ARHGEF6: variants seen among roughly 807,000 people sequenced by gnomAD.
ARHGEF6 encodes Rac/Cdc42 guanine nucleotide exchange factor 6, also known as rho guanine nucleotide exchange factor 6.
ARHGEF6 carries 9 observed loss-of-function variants against 70.3 expected under a neutral mutation model. That is an observed-to-expected ratio of 0.13 (90% CI 0.08 to 0.22). ARHGEF6 has a LOEUF of 0.22. Ranked by LOEUF, ARHGEF6 falls within the 10% of genes least tolerant of loss-of-function variation. ARHGEF6 has a pLI of 1.00. For synonymous variants in ARHGEF6, 201 were observed against 207.8 expected (o/e 0.97, Z 0.28); for missense variants, 470 against 563.0 (o/e 0.83, Z 1.67).
At chrX:136,767,656 G>C (rs970746963) in intron 2 of ARHGEF6, 845 of 752,715 alleles carry the variant, frequency 1.1e-3, no homozygotes, top group Non-Finnish European at 1.2e-3. Flanking sequence ...GACTGCCGGG[G>C]GAGCCAGCCC....
At chrX:136,703,767 C>T (rs1420764863) in intron 9 of ARHGEF6, among the ~76,000 whole-genome samples, 3 of 112,740 alleles carry the variant, frequency 2.7e-5, no homozygotes, top group Non-Finnish European at 5.6e-5. Flanking sequence ...GGTGATCCGC[C>T]CGCCTTGGCC....
At position 136,745,069 on chromosome X, in the gene ARHGEF6, G is replaced by T. The variant is rs146851377; in HGVS notation, c.459+154C>A. Among the ~76,000 whole-genome samples the T allele has an allele frequency of 2.6e-3, 290 of 112,080 alleles. 2 individuals are homozygous for T. The highest frequency in any genetic ancestry group is 8.6e-3 in the African/African-American group (267 of 30,878). ...ACATGCCTTTGATTTGCTCCTTCGG[G>T]CCAGCCTGAATTGGTGCTCGGTTTA... On this transcript the variant is annotated intron_variant, in intron 4 of 21. Transcript: ENST00000250617.
At chrX:136,743,070 C>A (rs1224635079) in intron 5 of ARHGEF6, among the ~76,000 whole-genome samples, 1 of 112,175 alleles carries the variant, frequency 8.9e-6, no homozygotes, top group South Asian at 3.7e-4. Context: ...AGGTAAACAG[C>A]TAGCAGTATT....
At chrX:136,775,536 G>A (rs1412012424) in intron 2 of ARHGEF6, among the ~76,000 whole-genome samples, 1 of 111,724 alleles carries the variant, frequency 9.0e-6, no homozygotes, top group Non-Finnish European at 1.9e-5. Flanking sequence ...CAGCATGGAA[G>A]GGACATACCT....
chrX:136,747,385 G>T, intron 3 of ARHGEF6, 123 bp downstream of exon 3: 1 of 592,878 alleles, frequency 1.7e-6, no homozygotes, highest in Non-Finnish European at 2.9e-6. Flanking sequence ...GGTGTATTTG[G>T]GGGAGCAAGG....
intron 9 of ARHGEF6, among the ~76,000 whole-genome samples, chrX:136,697,442 C>T (rs1603339044): frequency 8.9e-6 from 1 of 112,092 alleles, no homozygotes; most frequent in African/African-American, 3.2e-5. Flanking sequence ...TCCACTTGAA[C>T]TTAATTAGAT....
chrX:136,774,764 A>C (rs1444733192), intron 2 of ARHGEF6, among the ~76,000 whole-genome samples: 3 of 109,966 alleles, frequency 2.7e-5, no homozygotes, highest in Admixed American at 9.8e-5. Context: ...AAAATTCCAT[A>C]GTAGACATTA....
intron 12 of ARHGEF6, among the ~76,000 whole-genome samples, chrX:136,683,697 T>C (rs1387497598): frequency 8.9e-6 from 1 of 112,019 alleles, no homozygotes; most frequent in East Asian, 2.8e-4. Flanking sequence ...GCAATTAGTA[T>C]ACGCAAAAAT....
intron 2 of ARHGEF6, among the ~76,000 whole-genome samples, chrX:136,777,910 T>G (rs775014037): frequency 9.1e-6 from 1 of 110,215 alleles, no homozygotes; most frequent in African/African-American, 3.3e-5. Flanking sequence ...CATCATATGT[T>G]CTCACTTATA....
chrX:136,716,090 G>A (rs1035637057), intron 6 of ARHGEF6, among the ~76,000 whole-genome samples: 4 of 112,175 alleles, frequency 3.6e-5, no homozygotes, highest in Admixed American at 9.4e-5. Flanking sequence ...ACAGGCATGC[G>A]CCATCACGCC....
chrX:136,726,257 C>T (rs1045629036), intron 6 of ARHGEF6, among the ~76,000 whole-genome samples: 7 of 111,450 alleles, frequency 6.3e-5, no homozygotes, highest in African/African-American at 2.0e-4. Flanking sequence ...TGATTCTGCA[C>T]GCCCAGGTCC....
At chrX:136,713,241 T>C in intron 7 of ARHGEF6, 35 bp downstream of exon 7, 3 of 1,013,452 alleles carry the variant, frequency 3.0e-6, no homozygotes, top group Non-Finnish European at 4.2e-6. Context: ...ATTATGTTGC[T>C]TTACTTAGTG....
rs1233188890 is a variant in ARHGEF6 at position 136,767,737 on chromosome X, C to T, written c.249+11677G>A. The T allele has an allele frequency of 1.2e-5, 9 of 753,534 alleles. No homozygotes were observed. In the East Asian group the frequency reaches 9.1e-4, roughly 76 times the overall value. 62.1% of individuals were successfully genotyped at this position (753,534 alleles called of 1,213,427 possible). A position where few individuals can be genotyped will look rare whatever the true frequency, so the allele number is the denominator to read the frequency against. On this transcript the variant is annotated intron_variant, in intron 2 of 21. Transcript: ENST00000250617. ...CCTGCCCGCAGCCGGAGCCGAGCAG[C>T]GGAGGGAAAGCGGCCTGGAGGCACT...
At chrX:136,760,286 C>G (rs2077252439) in intron 2 of ARHGEF6, among the ~76,000 whole-genome samples, 1 of 112,691 alleles carries the variant, frequency 8.9e-6, no homozygotes, top group Admixed American at 9.4e-5. Context: ...AATGTCATCA[C>G]CAATCGCTCT....
In ARHGEF6 at chrX:136,690,599, C is replaced by A; in HGVS notation, c.1185+11G>T. The A allele has an allele frequency of 5.8e-6, 7 of 1,210,450 alleles. No individual in the cohort carries two copies. Among genetic ancestry groups the A allele is most frequent in the Non-Finnish European group, 6.7e-6 (6 of 894,976 alleles). The stretch of plus-strand genomic sequence containing the variant: ...TGGCACACGAGCTTGAAAAAGTTCA[C>A]CTTCCCTTACCTCCATATGCCGTTC... On this transcript the variant is annotated intron_variant, in intron 10 of 21. Coordinates refer to ENST00000250617, the MANE Select transcript of ARHGEF6 (RefSeq NM_004840.3).
chrX:136,712,265 C>T (rs760858707), intron 7 of ARHGEF6, among the ~76,000 whole-genome samples: 26 of 111,248 alleles, frequency 2.3e-4, no homozygotes, highest in Non-Finnish European at 4.3e-4. Context: ...TGCACTACCA[C>T]GCCCGGCTAA....
intron 19 of ARHGEF6, 34 bp downstream of exon 19, chrX:136,674,973 C>T: frequency 8.7e-7 from 1 of 1,153,146 alleles, no homozygotes; most frequent in Non-Finnish European, 1.2e-6. Flanking sequence ...GAAGAAACGT[C>T]ACTCACTAGA....
At position 136,685,743 on chromosome X, in the gene ARHGEF6, T is replaced by G. The variant is rs771975137; in HGVS notation, c.1326A>C (p.Glu442Asp). ...TCACATTTCCCAAGTTTTTAATATCTTCTCCTTCCCATGCCTGAATAGGTT... is the reference window on the plus strand; with the variant it reads ...TCACATTTCCCAAGTTTTTAATATCGTCTCCTTCCCATGCCTGAATAGGTT... Reference protein sequence around the residue: ...LSEPIQAWEGEDIKNLGNVIF... With the variant: ...LSEPIQAWEGDDIKNLGNVIF... Residue 442 changes from glutamate (E) to aspartate (D), a missense_variant, in exon 12 of 22, where the codon GAA (glutamate) becomes GAC (aspartate). By Grantham distance (45) the Glu-to-Asp change is conservative. Coordinates refer to ENST00000250617, the MANE Select transcript of ARHGEF6 (RefSeq NM_004840.3). 11 of 1,211,181 alleles carry G rather than the reference T, an allele frequency of 9.1e-6. No homozygotes were observed. The highest frequency in any genetic ancestry group is 1.2e-5 in the Non-Finnish European group (11 of 894,797).
intron 13 of ARHGEF6, 85 bp downstream of exon 13, chrX:136,682,673 A>C: frequency 1.3e-6 from 1 of 743,855 alleles, no homozygotes; most frequent in Non-Finnish European, 2.1e-6. Flanking sequence ...TTGAGCTTTT[A>C]ATGCCATAGT....
Sources: allele counts gnomAD v4.1 joint callset (sites outside exome capture counted in the v4.1 genomes callset), GRCh38; gene constraint gnomAD v4.1.1; transcripts MANE v1.5; gene names NCBI Gene and HGNC (gene_info 2026-07-23, HGNC 2026-07-21).